The following PLCB4 variants were observed in gnomAD, a reference collection of about 807,000 sequenced individuals.
PLCB4 encodes the protein 1-phosphatidylinositol 4,5-bisphosphate phosphodiesterase beta-4.
A neutral mutation model predicts 178.8 loss-of-function variants in PLCB4; 77 were observed. That is an observed-to-expected ratio of 0.43 (90% CI 0.36 to 0.52). The LOEUF (loss-of-function observed/expected upper bound fraction) is 0.52. PLCB4 is among the 20% of genes least tolerant of loss of function. PLCB4 has a pLI of 0.00. For synonymous variants in PLCB4, 496 were observed against 490.8 expected (o/e 1.01, Z -0.14); for missense variants, 1,024 against 1,453.4 (o/e 0.70, Z 4.80).
intron 39 of PLCB4, among the ~76,000 whole-genome samples, chr20:9,477,001 A>G (rs1037626034): frequency 5.3e-5 from 8 of 152,198 alleles, no homozygotes; most frequent in African/African-American, 1.9e-4. Flanking sequence ...TAGGAAACAG[A>G]TCATGGTAAT....
intron 35 of PLCB4, among the ~76,000 whole-genome samples, 177 bp from the exon 36 acceptor site, chr20:9,468,394 A>G (rs2043951485): frequency 1.3e-5 from 2 of 152,216 alleles, no homozygotes; most frequent in South Asian, 4.1e-4. Context: ...TATAAAATGT[A>G]AACTTTACTG....
intron 1 of PLCB4, among the ~76,000 whole-genome samples, chr20:9,078,905 A>G (rs1214325296): frequency 6.6e-6 from 1 of 152,218 alleles, no homozygotes; most frequent in Admixed American, 6.5e-5. Flanking sequence ...TTTCCCAAAG[A>G]TGGATTTAGT....
chr20:9,082,440 C>G (rs2090199528), intron 1 of PLCB4, among the ~76,000 whole-genome samples: 1 of 152,094 alleles, frequency 6.6e-6, no homozygotes, highest in South Asian at 2.1e-4. Context: ...CTTCACCAGG[C>G]CCCCCTCCCC....
At chr20:9,344,722 C>T (rs74948746) in intron 7 of PLCB4, among the ~76,000 whole-genome samples, 8,434 of 152,184 alleles carry the variant, frequency 0.055, 569 homozygotes, top group East Asian at 0.18. Context: ...ATTTTTAGAG[C>T]CACATTTCAG....
At chr20:9,467,192 C>G (rs538502870) in intron 35 of PLCB4, among the ~76,000 whole-genome samples, 1 of 152,292 alleles carries the variant, frequency 6.6e-6, no homozygotes, top group East Asian at 1.9e-4. Context: ...GAAAACCAAA[C>G]ACCGTATGTT....
intron 2 of PLCB4, among the ~76,000 whole-genome samples, chr20:9,112,256 C>CT (rs924027156): frequency 0.075 from 10,284 of 137,126 alleles, 468 homozygotes; most frequent in Non-Finnish European, 0.1. Flanking sequence ...ATACCCTACT[C>CT]TTTTTTTTTT....
At chr20:9,445,619 G>A (rs1005032715) in intron 32 of PLCB4, among the ~76,000 whole-genome samples, 1 of 152,140 alleles carries the variant, frequency 6.6e-6, no homozygotes, top group Non-Finnish European at 1.5e-5. Context: ...GAACTGTTGG[G>A]CTCAATGGAT....
chr20:9,463,592 G>GAAAA (rs2043550998), intron 35 of PLCB4, among the ~76,000 whole-genome samples: 1 of 13,388 alleles, frequency 7.5e-5, no homozygotes, highest in African/African-American at 4.8e-4. Flanking sequence ...CAAATGGAAA[G>GAAAA]CAAAAAAAAA....
chr20:9,388,886 C>A (rs1459465035), intron 15 of PLCB4, among the ~76,000 whole-genome samples: 1 of 152,142 alleles, frequency 6.6e-6, no homozygotes, highest in African/African-American at 2.4e-5. Flanking sequence ...GGAAGAATAA[C>A]TAAATGACTA....
chr20:9,269,864 C>G (rs544601634), intron 3 of PLCB4, among the ~76,000 whole-genome samples: 71 of 152,246 alleles, frequency 4.7e-4, no homozygotes, highest in African/African-American at 1.6e-3. Flanking sequence ...AAACCTGTAT[C>G]TGTCAAATTG....
At chr20:9,206,299 CTTTTTTTTTTTTT>C (rs71184138) in intron 2 of PLCB4, among the ~76,000 whole-genome samples, 201 of 96,108 alleles carry the variant, frequency 2.1e-3, no homozygotes, top group Non-Finnish European at 3.4e-3. Context: ...TTTCTTTTTT[CTTTTTTTTTTTTT>C]TTTTTTTTTT....
intron 7 of PLCB4, among the ~76,000 whole-genome samples, chr20:9,353,007 C>G (rs2034480703): frequency 6.6e-6 from 1 of 152,162 alleles, no homozygotes; most frequent in Non-Finnish European, 1.5e-5. Context: ...GAAAAAGAGG[C>G]CCCAGTTGCT....
chr20:9,126,619 A>G (rs1000792378), intron 2 of PLCB4, among the ~76,000 whole-genome samples: 2 of 152,216 alleles, frequency 1.3e-5, no homozygotes, highest in Admixed American at 1.3e-4. Context: ...CACTTATAAT[A>G]TAATTGCATC....
intron 3 of PLCB4, among the ~76,000 whole-genome samples, chr20:9,271,595 G>A (rs1428131437): frequency 6.6e-6 from 1 of 152,134 alleles, no homozygotes; most frequent in African/African-American, 2.4e-5. Context: ...GATGACAACT[G>A]CTTGTCCAGA....
At chr20:9,205,077 A>T (rs187424256) in intron 2 of PLCB4, among the ~76,000 whole-genome samples, 2 of 152,212 alleles carry the variant, frequency 1.3e-5, no homozygotes, top group African/African-American at 2.4e-5. Context: ...ATGGTAACAC[A>T]TCCTTTAGAA....
chr20:9,446,278 T>A (rs928095253), intron 32 of PLCB4, among the ~76,000 whole-genome samples: 1 of 152,240 alleles, frequency 6.6e-6, no homozygotes, highest in Non-Finnish European at 1.5e-5. Flanking sequence ...TCCATAGTCT[T>A]GCACCATACT....
chr20:9,428,692 T>C (rs1419425910), intron 28 of PLCB4, among the ~76,000 whole-genome samples: 1 of 152,022 alleles, frequency 6.6e-6, no homozygotes, highest in Non-Finnish European at 1.5e-5. Context: ...TTCTTCTGCC[T>C]GTACCTCTTG....
chr20:9,238,241 A>C (rs1443086000), intron 3 of PLCB4, among the ~76,000 whole-genome samples: 1 of 152,038 alleles, frequency 6.6e-6, no homozygotes, highest in East Asian at 1.9e-4. Context: ...TTAACATTGA[A>C]CTCTGAAGGA....
At chr20:9,089,779 T>G (rs762052778) in intron 1 of PLCB4, among the ~76,000 whole-genome samples, 1 of 152,170 alleles carries the variant, frequency 6.6e-6, no homozygotes, top group South Asian at 2.1e-4. Context: ...GAAATAAAGT[T>G]AGCTGGTGAA....
Sources: allele counts gnomAD v4.1 joint callset (sites outside exome capture counted in the v4.1 genomes callset), GRCh38; gene constraint gnomAD v4.1.1; transcripts MANE v1.5; gene names NCBI Gene and HGNC (gene_info 2026-07-23, HGNC 2026-07-21).